Variants in ASXL2 observed in about 807,000 individuals in gnomAD.
ASXL2 encodes the protein ASXL transcriptional regulator 2.
A neutral mutation model predicts 122.0 loss-of-function variants in ASXL2; 23 were observed. The ratio of observed to expected loss-of-function variants is 0.19; its 90% CI spans 0.14 to 0.27. ASXL2 has a LOEUF of 0.27. Among genes scored for constraint, ASXL2 ranks in the 10% least tolerant of loss-of-function variants. The probability of loss-of-function intolerance (pLI) is 1.00; values close to 1 mark genes in which losing one functional copy is unlikely to be tolerated. For missense variants in ASXL2, 1,518 were observed against 1,713.8 expected, an observed-to-expected ratio of 0.89 and a Z score of 2.02; for synonymous variants, 650 against 637.0, an observed-to-expected ratio of 1.02 and a Z score of -0.31.
chr2:25,739,323 G>A lies in ASXL2; in HGVS notation c.*2706C>T, dbSNP rs957759867. ...CTGCTGGAATACCATACTAATAAAG[G>A]TTTTGTTTCTACTGCTTCATTTTCT... On this transcript the variant is annotated 3_prime_UTR_variant, in exon 13 of 13. Transcript: ENST00000435504. 5.9e-6 allele frequency: 1 copy of A among 169,738 alleles called. No individual in the cohort carries two copies. The highest frequency in any genetic ancestry group is 1.3e-5 in the Non-Finnish European group (1 of 78,508). 10.5% of individuals were successfully genotyped at this position (169,738 alleles called of 1,614,324 possible).
intron 11 of ASXL2, among the ~76,000 whole-genome samples, 196 bp from the exon 12 acceptor site, chr2:25,750,609 C>T (rs970018810): frequency 2.0e-5 from 3 of 152,142 alleles, no homozygotes; most frequent in African/African-American, 7.2e-5. Flanking sequence ...GGCTCTGATA[C>T]CTACCGTCCG....
At chr2:25,815,762 T>C (rs1396602810) in intron 3 of ASXL2, among the ~76,000 whole-genome samples, 1 of 152,180 alleles carries the variant, frequency 6.6e-6, no homozygotes, top group African/African-American at 2.4e-5. Flanking sequence ...GGATAAAGTT[T>C]TGCCTGTTTT....
rs960790896 is a variant in ASXL2, at chr2:25,878,202, C to T, written c.21G>A (p.Arg7=). The stretch of plus-strand genomic sequence containing the variant: ...CCTCCGCCCAGGTCCTGCCCTTCTT[C>T]CTACGTCCCTTTTCCCTCATGTCGG... MREKGR[R]KKGRTWAEAA... Residue 7 remains arginine (R), a synonymous_variant, in exon 1 of 13, where the codon AGG becomes AGA. Coordinates refer to ENST00000435504, the MANE Select transcript of ASXL2 (RefSeq NM_018263.6). 6.2e-6 allele frequency: 10 copies of T among 1,613,816 alleles called. No individual in the cohort carries two copies. The highest frequency in any genetic ancestry group is 6.8e-6 in the Non-Finnish European group (8 of 1,179,872).
intron 5 of ASXL2, among the ~76,000 whole-genome samples, chr2:25,797,511 A>C (rs2088928629): frequency 6.6e-6 from 1 of 152,186 alleles, no homozygotes; most frequent in Non-Finnish European, 1.5e-5. Flanking sequence ...TGTTACTCAA[A>C]ATATACAAAG....
intron 3 of ASXL2, chr2:25,810,084 G>C (rs1211356132): frequency 1.8e-6 from 1 of 551,742 alleles, no homozygotes; most frequent in Non-Finnish European, 3.6e-6. Context: ...ACCTCCTTGA[G>C]TTTATCAGTA....
At chr2:25,866,369 G>A (rs1214181202) in intron 1 of ASXL2, among the ~76,000 whole-genome samples, 2 of 152,060 alleles carry the variant, frequency 1.3e-5, no homozygotes, top group African/African-American at 4.8e-5. Flanking sequence ...GACCTCGTGA[G>A]TCGCCCGCCT....
chr2:25,810,904 C>A (rs7592309), intron 3 of ASXL2, among the ~76,000 whole-genome samples: 59,454 of 151,894 alleles, frequency 0.39, 13,220 homozygotes, highest in Non-Finnish European at 0.51. Context: ...AATTAAAAGC[C>A]AAAGGCAAAA....
intron 1 of ASXL2, among the ~76,000 whole-genome samples, chr2:25,853,995 A>T (rs1395078617): frequency 6.6e-6 from 1 of 152,194 alleles, no homozygotes; most frequent in Non-Finnish European, 1.5e-5. Flanking sequence ...CAGAAACTTG[A>T]GTGTAAAAGT....
chr2:25,867,074 A>G (rs2089913978), intron 1 of ASXL2, among the ~76,000 whole-genome samples: 1 of 151,786 alleles, frequency 6.6e-6, no homozygotes, highest in Admixed American at 6.6e-5. Flanking sequence ...CTAATTTTGT[A>G]TTTTTAGTAG....
At position 25,744,161 on chromosome 2, in the gene ASXL2, C is replaced by T. The variant is rs1400302278; in HGVS notation, c.2176G>A (p.Gly726Ser). 6.8e-6 allele frequency: 11 copies of T among 1,613,960 alleles called. No individual in the cohort carries two copies. The highest frequency in any genetic ancestry group is 9.3e-6 in the Non-Finnish European group (11 of 1,179,882). ...GSDRVSETGK[G>S]PTLELAGTGS... ...GTTCCTGCCAGTTCCAGTGTGGGGC[C>T]CTTTCCAGTTTCACTGACTCTGTCT... is the stretch of plus-strand genomic sequence containing the variant. Residue 726 changes from glycine to serine, a missense_variant, in exon 13 of 13, where the codon GGC (glycine) becomes AGC (serine). Physicochemically the swap from Gly to Ser is moderately conservative, Grantham distance 56. Coordinates refer to ENST00000435504, the MANE Select transcript of ASXL2 (RefSeq NM_018263.6). The surrounding 1 kb of genome is among the most constrained non-coding windows in gnomAD (Gnocchi z 4.7).
Position 25,750,017 on chromosome 2 carries a change from G to A in ASXL2, c.1539C>T (p.Asn513=), listed in dbSNP as rs1574395137. 1 of 1,613,904 alleles carries A rather than the reference G, an allele frequency of 6.2e-7. No homozygotes were observed. The highest frequency in any genetic ancestry group is 8.5e-7 in the Non-Finnish European group (1 of 1,179,868). The change falls in exon 12 of 13, where the codon AAC becomes AAT. Residue 513 remains asparagine (N), a synonymous_variant. Transcript: ENST00000435504. ...CTAAAGATTCTTGGCTTTCACTTTT[G>A]TTATAATTAGAAGCTGTGGTGAGAT... The part of the protein sequence containing the change: ...KNHLTTASNY[N]KSESQESLVT...
In ASXL2 at chr2:25,744,291, TGCAGCAGCTGCGGCGGCAGCG is replaced by T; in HGVS notation, c.2025_2045del (p.Ala678_Ala684del). ...GAATGGTCCCTCCAACTGAGGCGGCTGCAGCAGCTGCGGCGGCAGCGGCAGCTGCTGCCCTCTGTGCTTTGA... is the reference window on the plus strand; with the variant it reads ...GAATGGTCCCTCCAACTGAGGCGGCTGCAGCTGCTGCCCTCTGTGCTTTGA... On this transcript the variant is annotated inframe_deletion, in exon 13 of 13. Transcript: ENST00000435504. The surrounding 1 kb of genome is among the most constrained non-coding windows in gnomAD (Gnocchi z 4.7). 3.7e-6 allele frequency: 6 copies of T among 1,611,396 alleles called. No individual in the cohort carries two copies. Among genetic ancestry groups the T allele is most frequent in the Non-Finnish European group, 5.1e-6 (6 of 1,179,206 alleles).
At chr2:25,753,750 G>C in intron 10 of ASXL2, 111 bp from the exon 11 acceptor site, 2 of 815,116 alleles carry the variant, frequency 2.5e-6, no homozygotes, top group Non-Finnish European at 2.0e-6. Context: ...CCATGTGAAA[G>C]TAACAGAAAC....
At chr2:25,841,556 C>T (rs2149191238) in intron 2 of ASXL2, among the ~76,000 whole-genome samples, 1 of 151,918 alleles carries the variant, frequency 6.6e-6, no homozygotes, top group East Asian at 1.9e-4. Context: ...CTATAAAGAA[C>T]ACAGAACATG....
chr2:25,761,120 G>A (rs1024307690), intron 8 of ASXL2, among the ~76,000 whole-genome samples: 3 of 152,124 alleles, frequency 2.0e-5, no homozygotes, highest in African/African-American at 7.2e-5. Flanking sequence ...ATAAATGACA[G>A]AATGAGGGTC....
In ASXL2 at chr2:25,806,183, A is replaced by G. The variant is rs377612607; in HGVS notation, c.252+46T>C. ...ACGAGTCAAATATTTATATGTGGTCACTTCCTGTTTTTTCTTTCTAAATGA... is the reference window on the plus strand; with the variant it reads ...ACGAGTCAAATATTTATATGTGGTCGCTTCCTGTTTTTTCTTTCTAAATGA... On this transcript the variant is annotated intron_variant, in intron 4 of 12. Coordinates refer to ENST00000435504, the MANE Select transcript of ASXL2 (RefSeq NM_018263.6). 20 of 1,211,228 alleles carry G rather than the reference A, an allele frequency of 1.7e-5. No individual in the cohort carries two copies. The East Asian group carries it at 1.9e-4, about 12-fold the overall frequency. The allele number at this position is 1,211,228 out of a possible 1,614,324, so 75.0% of individuals were successfully genotyped here.
chr2:25,786,461 G>C (rs916025263), intron 5 of ASXL2, among the ~76,000 whole-genome samples: 1 of 151,330 alleles, frequency 6.6e-6, no homozygotes, highest in African/African-American at 2.4e-5. Context: ...GGATGGTCTC[G>C]ATCTCCTGAC....
rs549169532 is a variant in ASXL2 at position 25,873,342 on chromosome 2, C to G, written c.57+4824G>C. Among the ~76,000 whole-genome samples the G allele has an allele frequency of 4.6e-5, 7 of 152,238 alleles. No homozygotes were observed. The East Asian group carries it at 1.4e-3, about 29-fold the overall frequency. The stretch of plus-strand genomic sequence containing the variant: ...GGAAGAATCACTTGAACCCAGGAGG[C>G]AGAGGTTGCAGTGAGCCGAGATTGC... On this transcript the variant is annotated intron_variant, in intron 1 of 12. Coordinates refer to ENST00000435504, the MANE Select transcript of ASXL2 (RefSeq NM_018263.6).
chr2:25,830,676 T>TA (rs1559523151), intron 3 of ASXL2: 1 of 149,766 alleles, frequency 6.7e-6, no homozygotes, highest in African/African-American at 2.4e-5. Flanking sequence ...ATAGCTCTCA[T>TA]AAAAATGCTT....
Sources: gnomAD v4.1 joint callset for allele counts (sites outside exome capture counted in the v4.1 genomes callset) on GRCh38, gnomAD v4.1.1 for gene constraint, Gnocchi (gnomAD v3.1) non-coding constraint, MANE v1.5 for transcripts, NCBI Gene and HGNC (gene_info 2026-07-23, HGNC 2026-07-21) for gene names.